Variants in MYO15A observed in about 807,000 individuals in gnomAD.
MYO15A encodes myosin XVA, also known as unconventional myosin-XV.
A neutral mutation model predicts 394.6 loss-of-function variants in MYO15A; 308 were observed. That is an observed-to-expected ratio of 0.78 (90% CI 0.71 to 0.86). The LOEUF is 0.86. MYO15A is among the 40% of genes least tolerant of loss of function. MYO15A has a pLI of 0.00. For missense variants in MYO15A, 4,606 were observed against 4,799.1 expected (o/e 0.96, Z 1.19); for synonymous variants, 1,957 against 2,003.8 (o/e 0.98, Z 0.62).
chr17:18,176,541 C>CTTTTTTTTTTTT (rs35105114), intron 65 of MYO15A: 2 of 93,460 alleles, frequency 2.1e-5, no homozygotes, highest in Non-Finnish European at 4.2e-5. Flanking sequence ...TTTTACTTTT[C>CTTTTTTTTTTTT]TTTTTTTTTT....
chr17:18,165,275 A>T (rs1381486296), intron 60 of MYO15A, among the ~76,000 whole-genome samples: 1 of 152,184 alleles, frequency 6.6e-6, no homozygotes, highest in Non-Finnish European at 1.5e-5. Context: ...GCTTAAAAAA[A>T]CATAAATATA....
At chr17:18,159,434 C>T in intron 54 of MYO15A, 87 bp downstream of exon 54, 1 of 1,526,770 alleles carries the variant, frequency 6.5e-7, no homozygotes, top group Non-Finnish European at 9.1e-7. Context: ...CCTCCCTGAT[C>T]TTCAGATTCT....
At position 18,120,728 on chromosome 17, in the gene MYO15A, G is replaced by T; in HGVS notation, c.1928G>T (p.Arg643Leu). ...GCTCGCAGCAGCAACGACGCGCGCCGCCCGCCCGCGCCACAGCCCGCGCCC... is the reference window on the plus strand; with the variant it reads ...GCTCGCAGCAGCAACGACGCGCGCCTCCCGCCCGCGCCACAGCCCGCGCCC... ...PRARSSNDAR[R>L]PPAPQPAPRT... is the part of the protein sequence containing the mutation. The change falls in exon 2 of 66, where the codon CGC (arginine) becomes CTC (leucine). Residue 643 changes from arginine (R) to leucine (L), a missense_variant. Physicochemically the swap from Arg to Leu is moderately radical, Grantham distance 102. Coordinates refer to ENST00000647165, the MANE Select transcript of MYO15A (RefSeq NM_016239.4). 3 of 1,473,968 alleles carry T rather than the reference G, an allele frequency of 2.0e-6. No individual in the cohort carries two copies. The highest frequency in any genetic ancestry group is 1.8e-6 in the Non-Finnish European group (2 of 1,123,004). The allele number at this position is 1,473,968 out of a possible 1,614,324, so 91.3% of individuals were successfully genotyped here. A position where few individuals can be genotyped will look rare whatever the true frequency, so the allele number is the denominator to read the frequency against.
intron 45 of MYO15A, 27 bp downstream of exon 45, chr17:18,154,782 G>A: frequency 6.2e-7 from 1 of 1,610,088 alleles, no homozygotes; most frequent in East Asian, 2.2e-5. Flanking sequence ...GAGGGGTACT[G>A]ATGGGGCAAC....
In MYO15A at chr17:18,117,350, G is replaced by A. The variant is rs1473050353; in HGVS notation, c.-219-1232G>A. Among the ~76,000 whole-genome samples, 1 of 152,248 alleles carries A rather than the reference G, an allele frequency of 6.6e-6. No individual in the cohort carries two copies. Among genetic ancestry groups the A allele is most frequent in the Non-Finnish European group, 1.5e-5 (1 of 68,046 alleles). ...CTGCTCCTGCCACTTACCTGGGAAG[G>A]CCTCACCCTGTCCCTGTTTCACAGC... On this transcript the variant is annotated intron_variant, in intron 1 of 65. Coordinates refer to ENST00000647165, the MANE Select transcript of MYO15A (RefSeq NM_016239.4). This position sits in a 1 kb window ranked among gnomAD's most constrained non-coding sequence, Gnocchi z 4.1.
intron 1 of MYO15A, among the ~76,000 whole-genome samples, chr17:18,112,070 G>A (rs2045728815): frequency 6.6e-6 from 1 of 152,216 alleles, no homozygotes; most frequent in South Asian, 2.1e-4. Flanking sequence ...GCAGGACTTG[G>A]GCAAGCCCGC....
At chr17:18,161,242 G>C in intron 56 of MYO15A, 75 bp from the exon 57 acceptor site, 1 of 1,570,720 alleles carries the variant, frequency 6.4e-7, no homozygotes. Context: ...ATCTGTCTCA[G>C]CTCAATCCCA....
At chr17:18,130,735 G>A (rs2046139604) in intron 7 of MYO15A, 70 bp from the exon 8 acceptor site, 1 of 1,611,060 alleles carries the variant, frequency 6.2e-7, no homozygotes, top group Admixed American at 1.7e-5. Flanking sequence ...GAGAGTGGTG[G>A]TCGGTCCTGC....
Position 18,162,204 on chromosome 17 carries a change from G to A in MYO15A, c.9518-381G>A, listed in dbSNP as rs554271381. Among the ~76,000 whole-genome samples, 19 of 152,302 alleles carry A rather than the reference G, an allele frequency of 1.2e-4. No individual in the cohort carries two copies. The South Asian group carries it at 3.7e-3, about 30-fold the overall frequency. The stretch of plus-strand genomic sequence containing the variant: ...TGGGAGGCCTGGGTGAGGGAGGGCA[G>A]CTGGCAGGGTATCCCAGCTGGCATG... On this transcript the variant is annotated intron_variant, in intron 57 of 65. Transcript: ENST00000647165.
Position 18,155,240 on chromosome 17 carries a change from C to T in MYO15A, c.8340+15C>T. On this transcript the variant is annotated intron_variant, in intron 46 of 65. Coordinates refer to ENST00000647165, the MANE Select transcript of MYO15A (RefSeq NM_016239.4). Reference sequence around the variant, plus strand: ...TCCCCGCCACGGTGCGAGCCCCTCACTTGCCCCCTACCTGTCCAGAGGATT... The same window carrying T: ...TCCCCGCCACGGTGCGAGCCCCTCATTTGCCCCCTACCTGTCCAGAGGATT... The T allele has an allele frequency of 1.9e-6, 3 of 1,613,904 alleles. No homozygotes were observed. The highest frequency in any genetic ancestry group is 1.1e-5 in the South Asian group (1 of 91,088).
Position 18,119,856 on chromosome 17 carries a change from A to G in MYO15A, c.1056A>G (p.Pro352=). 4 of 1,613,082 alleles carry G rather than the reference A, an allele frequency of 2.5e-6. No homozygotes were observed. The highest frequency in any genetic ancestry group is 1.6e-4 in the Middle Eastern group (1 of 6,062). The change falls in exon 2 of 66, where the codon CCA becomes CCG. Residue 352 remains proline (P), a synonymous_variant. Transcript: ENST00000647165. ...YLDPYAPYDA[P]YPPYDLPYHT... ...ATCCCTATGCGCCGTACGACGCGCC[A>G]TACCCACCCTATGACCTCCCATACC...
intron 65 of MYO15A, chr17:18,178,469 T>G: frequency 1.9e-6 from 1 of 525,564 alleles, no homozygotes; most frequent in East Asian, 3.6e-5. Context: ...ACCTTACAGA[T>G]GAGGCCACTG....
rs1270533003 is a variant in MYO15A at position 18,148,226 on chromosome 17, C to T, written c.6691+16C>T. ...TGCTTCAATGGTAAGCTGCCTTCCC[C>T]CACCTCAGTGAGGGCAGTGGGAGTC... On this transcript the variant is annotated intron_variant, in intron 31 of 65. Coordinates refer to ENST00000647165, the MANE Select transcript of MYO15A (RefSeq NM_016239.4). This position sits in a 1 kb window ranked among gnomAD's most constrained non-coding sequence, Gnocchi z 4.8. 1.2e-6 allele frequency: 2 copies of T among 1,613,170 alleles called. No individual in the cohort carries two copies. Among genetic ancestry groups the T allele is most frequent in the Non-Finnish European group, 1.7e-6 (2 of 1,179,942 alleles).
intron 47 of MYO15A, chr17:18,155,980 G>A (rs1567656603): frequency 1.6e-5 from 10 of 622,466 alleles, no homozygotes; most frequent in South Asian, 5.6e-5. Context: ...GAGAGGGGCC[G>A]GAGTGTCAGC....
At chr17:18,162,332 A>G (rs1051217143) in intron 57 of MYO15A, among the ~76,000 whole-genome samples, 4 of 152,144 alleles carry the variant, frequency 2.6e-5, no homozygotes, top group Non-Finnish European at 4.4e-5. Context: ...TGCCAAGGGG[A>G]CTATGGGCTA....
In MYO15A at chr17:18,161,403, G is replaced by T. The variant is rs377479548; in HGVS notation, c.9473G>T (p.Arg3158Leu). The T allele has an allele frequency of 1.9e-6, 3 of 1,613,900 alleles. No individual in the cohort carries two copies. The African/African-American group carries it at 4.0e-5, about 22-fold the overall frequency. ...CSEVLHPHLTRFLQDVSRTPG... is the reference protein window; with the variant it reads ...CSEVLHPHLTLFLQDVSRTPG... ...GAGGTCCTCCACCCACACCTCACTC[G>T]CTTCCTCCAAGACGTGAGCCGGACC... is the stretch of plus-strand genomic sequence containing the variant. Residue 3158 changes from arginine (R) to leucine (L), a missense_variant, in exon 57 of 66, where the codon CGC (arginine) becomes CTC (leucine). By Grantham distance (102) the Arg-to-Leu change is moderately radical (BLOSUM62 -2). Transcript: ENST00000647165.
At chr17:18,170,929 T>C (rs1203361314) in intron 62 of MYO15A, among the ~76,000 whole-genome samples, 1 of 152,100 alleles carries the variant, frequency 6.6e-6, no homozygotes, top group Non-Finnish European at 1.5e-5. Flanking sequence ...GGAGGCTGGG[T>C]TCAGATGCCA....
rs199864860 is a variant in MYO15A, at chr17:18,157,003, C to A, written c.8651C>A (p.Ala2884Glu). 6.2e-7 allele frequency: 1 copy of A among 1,614,170 alleles called. No individual in the cohort carries two copies. Among genetic ancestry groups the A allele is most frequent in the Admixed American group, 1.7e-5 (1 of 60,032 alleles). ...AVRNFLPEDPALLAFHKGDII... is the reference protein window; with the variant it reads ...AVRNFLPEDPELLAFHKGDII... ...AGGAACTTCCTGCCTGAGGACCCTG[C>A]GCTGCTGGCTTTCCACAAGGGTGAC... is the stretch of plus-strand genomic sequence containing the variant. The change falls in exon 49 of 66, where the codon GCG becomes GAG. Residue 2884 changes from alanine (A) to glutamate (E), a missense_variant. Physicochemically the swap from Ala to Glu is moderately radical, Grantham distance 107. Transcript: ENST00000647165.
At chr17:18,110,536 G>A (rs1437802877) in intron 1 of MYO15A, 2 of 152,232 alleles carry the variant, frequency 1.3e-5, no homozygotes, top group African/African-American at 4.8e-5. Flanking sequence ...TGGCCGTTCT[G>A]AGCACAGGTC....
Sources: allele counts gnomAD v4.1 joint callset (sites outside exome capture counted in the v4.1 genomes callset), GRCh38; gene constraint gnomAD v4.1.1; non-coding constraint Gnocchi (gnomAD v3.1); transcripts MANE v1.5; gene names NCBI Gene and HGNC (gene_info 2026-07-23, HGNC 2026-07-21).